The following DPYD variants were observed in gnomAD, a reference collection of about 807,000 sequenced individuals.
DPYD encodes the protein dihydropyrimidine dehydrogenase, also known as dihydropyrimidine dehydrogenase [NADP(+)].
In DPYD, 109 loss-of-function variants were observed where a neutral mutation model predicts 116.2. The ratio of observed to expected loss-of-function variants is 0.94; its 90% confidence interval spans 0.80 to 1.10. The LOEUF (loss-of-function observed/expected upper bound fraction) is 1.10. Ranked by LOEUF, DPYD falls within the 50% of genes least tolerant of loss-of-function variation. DPYD has a pLI of 0.00. For missense variants in DPYD, 1,302 were observed against 1,254.5 expected (o/e 1.04, Z -0.57); for synonymous variants, 440 against 432.0 (o/e 1.02, Z -0.23).
chr1:97,886,551 G>A (rs1672497390), intron 1 of DPYD, among the ~76,000 whole-genome samples: 1 of 152,034 alleles, frequency 6.6e-6, no homozygotes, highest in African/African-American at 2.4e-5. Flanking sequence ...CCTATACCTA[G>A]TACTTTGCTC....
chr1:97,632,769 A>C (rs1272588047), intron 8 of DPYD, among the ~76,000 whole-genome samples: 1 of 152,150 alleles, frequency 6.6e-6, no homozygotes, highest in Non-Finnish European at 1.5e-5. Context: ...TAATATATTT[A>C]CAGGTGTCAC....
At chr1:97,622,386 T>C (rs377437959) in intron 8 of DPYD, among the ~76,000 whole-genome samples, 3 of 151,928 alleles carry the variant, frequency 2.0e-5, no homozygotes, top group South Asian at 4.2e-4. Context: ...AGGAACATTC[T>C]AAAAAAATAC....
chr1:97,322,063 AT>A (rs1421708966), intron 16 of DPYD, among the ~76,000 whole-genome samples: 2 of 97,244 alleles, frequency 2.1e-5, no homozygotes, highest in Non-Finnish European at 4.0e-5. Context: ...GAAGGGGAAT[AT>A]CACACTCTGG....
At chr1:97,679,055 A>T in intron 8 of DPYD, 40 bp downstream of exon 8, 1 of 1,004,712 alleles carries the variant, frequency 1.0e-6, no homozygotes, top group Non-Finnish European at 1.4e-6. Flanking sequence ...AAATAAAAAA[A>T]TACATTATAA....
intron 18 of DPYD, among the ~76,000 whole-genome samples, chr1:97,250,605 A>G (rs962890759): frequency 6.6e-6 from 1 of 152,232 alleles, no homozygotes; most frequent in Non-Finnish European, 1.5e-5. Flanking sequence ...TAAAAATTAT[A>G]TTGAACGTAA....
At position 97,231,916 on chromosome 1, in the gene DPYD, A is replaced by AG. The variant is rs1283744922; in HGVS notation, c.2442+2935dup. On this transcript the variant is annotated intron_variant, in intron 19 of 22. Transcript: ENST00000370192. ...ATAACTCCATTGTATCCTTCAGCTC[A>AG]GGTATTTCTACATGTGGATGAAAAT... is the stretch of plus-strand genomic sequence containing the variant. 2.6e-5 allele frequency among the ~76,000 whole-genome samples: 4 copies of AG among 152,148 alleles called. No homozygotes were observed. The East Asian group carries it at 7.7e-4, about 29-fold the overall frequency.
intron 10 of DPYD, among the ~76,000 whole-genome samples, chr1:97,588,111 T>C (rs1422719098): frequency 3.3e-5 from 5 of 152,190 alleles, no homozygotes; most frequent in African/African-American, 1.2e-4. Context: ...GTTATTTTTC[T>C]AATTAAAATA....
intron 4 of DPYD, among the ~76,000 whole-genome samples, chr1:97,737,521 G>C (rs1318031923): frequency 6.6e-6 from 1 of 152,078 alleles, no homozygotes; most frequent in Non-Finnish European, 1.5e-5. Flanking sequence ...AGTAACTACA[G>C]TTACTGAGCA....
chr1:97,301,533 T>C lies in DPYD; in HGVS notation c.2299+3726A>G, dbSNP rs540614857. On this transcript the variant is annotated intron_variant, in intron 18 of 22. Transcript: ENST00000370192. ...TCCTATATATGTGAATGTGCATGTG[T>C]TTGTAAGTGCAACACACAAAATATA... Among the ~76,000 whole-genome samples, 168 of 152,142 alleles carry C rather than the reference T, an allele frequency of 1.1e-3. 1 individual carries two copies. Among genetic ancestry groups the C allele is most frequent in the African/African-American group, 3.7e-3 (153 of 41,550 alleles).
intron 3 of DPYD, among the ~76,000 whole-genome samples, chr1:97,762,372 G>T (rs1557941607): frequency 6.6e-6 from 1 of 152,046 alleles, no homozygotes; most frequent in Non-Finnish European, 1.5e-5. Context: ...AGCCATTAAG[G>T]TTATTATTCA....
At chr1:97,345,050 G>C (rs547990815) in intron 16 of DPYD, among the ~76,000 whole-genome samples, 2 of 151,744 alleles carry the variant, frequency 1.3e-5, no homozygotes, top group Admixed American at 1.3e-4. Context: ...GGTTTAATTC[G>C]TATTTCCATT....
At chr1:97,867,572 C>T (rs1671447094) in intron 2 of DPYD, among the ~76,000 whole-genome samples, 1 of 151,816 alleles carries the variant, frequency 6.6e-6, no homozygotes, top group Non-Finnish European at 1.5e-5. Flanking sequence ...TCAACATACA[C>T]AAATCAATAA....
At chr1:97,729,827 A>G (rs1178043246) in intron 4 of DPYD, among the ~76,000 whole-genome samples, 1 of 152,162 alleles carries the variant, frequency 6.6e-6, no homozygotes, top group Non-Finnish European at 1.5e-5. Flanking sequence ...GTGCACATGT[A>G]TTCAATTCAT....
chr1:97,367,184 G>A (rs531276490), intron 16 of DPYD, among the ~76,000 whole-genome samples: 2 of 152,064 alleles, frequency 1.3e-5, no homozygotes, highest in Non-Finnish European at 2.9e-5. Context: ...GATGACGGAC[G>A]TCTGCTTTCT....
intron 8 of DPYD, among the ~76,000 whole-genome samples, chr1:97,611,259 G>A (rs1655926743): frequency 6.6e-6 from 1 of 151,982 alleles, no homozygotes; most frequent in Non-Finnish European, 1.5e-5. Flanking sequence ...CAGATTTGGT[G>A]AGACCCATTT....
chr1:97,180,345 G>A (rs866941633), intron 20 of DPYD, among the ~76,000 whole-genome samples: 4 of 151,994 alleles, frequency 2.6e-5, no homozygotes, highest in Admixed American at 1.3e-4. Flanking sequence ...TGGGCTTAAC[G>A]GGAGATATAA....
In DPYD at chr1:97,323,389, TATGTATACATATGTGTATATGTAC is replaced by T. The variant is rs1484873700; in HGVS notation, c.2059-17116_2059-17093del. On this transcript the variant is annotated intron_variant, in intron 16 of 22. Transcript: ENST00000370192. ...ATGTATACATGTGTATATGTACACG[TATGTATACATATGTGTATATGTAC>T]ACGTATATATACATATGTGTATATG... 1.1e-3 allele frequency among the ~76,000 whole-genome samples: 123 copies of T among 108,630 alleles called. 13 individuals carry two copies. The South Asian group carries it at 0.015, about 14-fold the overall frequency. 71.3% of individuals were successfully genotyped at this position (108,630 alleles called of 152,430 possible).
intron 14 of DPYD, among the ~76,000 whole-genome samples, chr1:97,441,567 A>G (rs1675797983): frequency 6.6e-6 from 1 of 152,074 alleles, no homozygotes; most frequent in Non-Finnish European, 1.5e-5. Flanking sequence ...TCTTTTATCT[A>G]TCTTCCATGT....
intron 14 of DPYD, among the ~76,000 whole-genome samples, chr1:97,423,013 A>T (rs1343356169): frequency 6.6e-6 from 1 of 152,082 alleles, no homozygotes; most frequent in African/African-American, 2.4e-5. Flanking sequence ...TCATACATCA[A>T]GGTCCACATG....
Sources: gnomAD v4.1 joint callset for allele counts (sites outside exome capture counted in the v4.1 genomes callset) on GRCh38, gnomAD v4.1.1 for gene constraint, MANE v1.5 for transcripts, NCBI Gene and HGNC (gene_info 2026-07-23, HGNC 2026-07-21) for gene names.